LCN15: variants seen among roughly 807,000 people sequenced by gnomAD.
LCN15 encodes the protein lipocalin-15.
In LCN15, 26 loss-of-function variants were observed where a neutral mutation model predicts 23.1. The ratio of observed to expected loss-of-function variants is 1.13; its 90% CI spans 0.82 to 1.56. LCN15 has a LOEUF of 1.56. LCN15 is among the 40% of genes most tolerant of loss of function. The pLI, the probability that LCN15 is intolerant of heterozygous loss-of-function variation, is 0.00. For missense variants in LCN15, 241 were observed against 239.5 expected, an observed-to-expected ratio of 1.01 and a Z score of -0.04; for synonymous variants, 107 against 98.3, an observed-to-expected ratio of 1.09 and a Z score of -0.52.
chr9:136,763,660 C>T (rs899116318), intron 3 of LCN15, 53 bp downstream of exon 3: 3 of 1,590,126 alleles, frequency 1.9e-6, no homozygotes, highest in Non-Finnish European at 2.6e-6. Context: ...CCCCACGTCA[C>T]CCCCAGAGAA....
rs1847290230 is a variant in LCN15, at chr9:136,759,646, ATC to A, written c.*168_*169del. On this transcript the variant is annotated 3_prime_UTR_variant, in exon 7 of 7. Transcript: ENST00000316144. ...GAGGTGAGGGCCATGAGGCTGCAGC[ATC>A]TGTTTATTGAATAGAAAGAGACGTC... is the stretch of plus-strand genomic sequence containing the variant. The A allele has an allele frequency of 6.6e-6, 1 of 152,254 alleles. No homozygotes were observed. Among genetic ancestry groups the A allele is most frequent in the Non-Finnish European group, 1.5e-5 (1 of 68,112 alleles). 9.4% of individuals were successfully genotyped at this position (152,254 alleles called of 1,614,324 possible).
intron 1 of LCN15, 124 bp from the exon 2 acceptor site, chr9:136,764,133 G>T: frequency 8.1e-7 from 1 of 1,241,266 alleles, no homozygotes; most frequent in Non-Finnish European, 1.1e-6. Context: ...TGTCTTGGGT[G>T]TGAGCTGAGC....
intron 4 of LCN15, 23 bp downstream of exon 4, chr9:136,763,334 G>A (rs1209421224): frequency 1.5e-6 from 2 of 1,346,570 alleles, no homozygotes; most frequent in East Asian, 2.4e-5. Context: ...GGGCCAGTGC[G>A]GGGAGGTGGG....
At position 136,764,498 on chromosome 9, in the gene LCN15, T is replaced by C; in HGVS notation, c.-10A>G. The C allele has an allele frequency of 6.2e-7, 1 of 1,607,440 alleles. No individual in the cohort carries two copies. Among genetic ancestry groups the C allele is most frequent in the Non-Finnish European group, 8.5e-7 (1 of 1,176,792 alleles). ...GCAGGAATGACATCATCCCCTCCCC[T>C]GCCCTCCAGCCCCTGGTGCTGAGTC... On this transcript the variant is annotated 5_prime_UTR_variant, in exon 1 of 7. Transcript: ENST00000316144.
Position 136,762,264 on chromosome 9 carries a change from C to G in LCN15, c.444G>C (p.Gln148His). 6.3e-7 allele frequency: 1 copy of G among 1,594,282 alleles called. No individual in the cohort carries two copies. The highest frequency in any genetic ancestry group is 8.5e-7 in the Non-Finnish European group (1 of 1,170,328). Residue 148 changes from glutamine to histidine, a missense_variant, in exon 5 of 7, where the codon CAG (glutamine) becomes CAC (histidine). By Grantham distance (24) the Gln-to-His change is conservative. Coordinates refer to ENST00000316144, the MANE Select transcript of LCN15 (RefSeq NM_203347.2). ...AGAAGTCCTGGAAGGACTTCAGAGC[C>G]TGGGGACTCACATCCTGGGTCCGGC... ...LYSRTQDVSP[Q>H]ALKSFQDFYP... is the part of the protein sequence containing the mutation.
chr9:136,764,260 G>C, intron 1 of LCN15, 133 bp downstream of exon 1: 1 of 911,756 alleles, frequency 1.1e-6, no homozygotes, highest in South Asian at 1.7e-5. Flanking sequence ...ATTAAGCGCA[G>C]AGTGGGTCTA....
chr9:136,762,637 C>T (rs1847332525), intron 4 of LCN15, among the ~76,000 whole-genome samples: 1 of 152,214 alleles, frequency 6.6e-6, no homozygotes, highest in African/African-American at 2.4e-5. Flanking sequence ...CGCGGTGGCT[C>T]ACGCCTGGAA....
At chr9:136,764,059 C>T in intron 1 of LCN15, 50 bp from the exon 2 acceptor site, 1 of 1,596,688 alleles carries the variant, frequency 6.3e-7, no homozygotes, top group Non-Finnish European at 8.5e-7. Flanking sequence ...CAGCAGGGCC[C>T]TCCTTGCCCA....
In LCN15 at chr9:136,761,771, G is replaced by C; in HGVS notation, c.*32+16C>G. ...GAGGCAACCAGGGCATCCCCTGCAG[G>C]GCCTGGAGAACCCACCTGGGAAGGG... On this transcript the variant is annotated intron_variant, in intron 6 of 6. Transcript: ENST00000316144. This position sits in a 1 kb window ranked among gnomAD's most constrained non-coding sequence, Gnocchi z 4.2. 1 of 1,238,516 alleles carries C rather than the reference G, an allele frequency of 8.1e-7. No individual in the cohort carries two copies. Among genetic ancestry groups the C allele is most frequent in the Non-Finnish European group, 1.0e-6 (1 of 982,794 alleles). The allele number at this position is 1,238,516 out of a possible 1,614,324, so 76.7% of individuals were successfully genotyped here.
intron 4 of LCN15, 94 bp downstream of exon 4, chr9:136,763,263 G>T: frequency 1.5e-6 from 1 of 678,616 alleles, no homozygotes; most frequent in South Asian, 2.0e-5. Context: ...GGCGCGGGGC[G>T]GCAGGCGGGC....
intron 4 of LCN15, among the ~76,000 whole-genome samples, 183 bp from the exon 5 acceptor site, chr9:136,762,472 C>T (rs1164665089): frequency 6.6e-6 from 1 of 152,216 alleles, no homozygotes; most frequent in Admixed American, 6.5e-5. Flanking sequence ...CCCCAATTCA[C>T]ACCAAGATGT....
At chr9:136,763,283 G>A in intron 4 of LCN15, 74 bp downstream of exon 4, 2 of 802,308 alleles carry the variant, frequency 2.5e-6, no homozygotes, top group Non-Finnish European at 3.7e-6. Context: ...CGGGGCGGGG[G>A]TAGGCAGAAC....
At position 136,761,742 on chromosome 9, in the gene LCN15, G is replaced by T; in HGVS notation, c.*32+45C>A. 1 of 973,966 alleles carries T rather than the reference G, an allele frequency of 1.0e-6. No homozygotes were observed. Among genetic ancestry groups the T allele is most frequent in the Middle Eastern group, 2.3e-4 (1 of 4,426 alleles). The allele number at this position is 973,966 out of a possible 1,614,324, so 60.3% of individuals were successfully genotyped here. Reference sequence around the variant, plus strand: ...CCAGATGTCAAGCTGCGATAGGGAGGGGAGAGGCAACCAGGGCATCCCCTG... The same window carrying T: ...CCAGATGTCAAGCTGCGATAGGGAGTGGAGAGGCAACCAGGGCATCCCCTG... On this transcript the variant is annotated intron_variant, in intron 6 of 6. Transcript: ENST00000316144. The surrounding 1 kb of genome is among the most constrained non-coding windows in gnomAD (Gnocchi z 4.2).
chr9:136,763,059 C>A (rs1847337476), intron 4 of LCN15, among the ~76,000 whole-genome samples: 1 of 151,778 alleles, frequency 6.6e-6, no homozygotes, highest in Non-Finnish European at 1.5e-5. Context: ...AGCCAACCTC[C>A]TCCACATCCA....
In LCN15 at chr9:136,762,291, TG is replaced by T; in HGVS notation, c.419-3del. Reference sequence around the variant, plus strand: ...GGGGACTCACATCCTGGGTCCGGCCTGGGCAGAGCAGAGGTCACTGTGAACT... The same window carrying T: ...GGGGACTCACATCCTGGGTCCGGCCTGGCAGAGCAGAGGTCACTGTGAACT... On this transcript the variant is annotated splice_polypyrimidine_tract_variant and splice_region_variant and intron_variant, in intron 4 of 6. Transcript: ENST00000316144. 1 of 1,556,070 alleles carries T rather than the reference TG, an allele frequency of 6.4e-7. No homozygotes were observed.
chr9:136,763,481 G>A lies in LCN15; in HGVS notation c.308-14C>T, dbSNP rs1409241218. On this transcript the variant is annotated splice_polypyrimidine_tract_variant and intron_variant, in intron 3 of 6. Transcript: ENST00000316144. ...GGTAGCCCAAGGCTGCGGAGAGGCAGGCGGCCTTTTCAGGCTGGAGAAGTG... is the reference window on the plus strand; with the variant it reads ...GGTAGCCCAAGGCTGCGGAGAGGCAAGCGGCCTTTTCAGGCTGGAGAAGTG... The A allele has an allele frequency of 1.3e-6, 2 of 1,573,146 alleles. No individual in the cohort carries two copies. The highest frequency in any genetic ancestry group is 1.3e-5 in the African/African-American group (1 of 74,134).
intron 6 of LCN15, among the ~76,000 whole-genome samples, chr9:136,760,276 GGT>G (rs1554763897): frequency 6.6e-6 from 1 of 152,228 alleles, no homozygotes; most frequent in Non-Finnish European, 1.5e-5. Flanking sequence ...AGGGCGATTT[GGT>G]GTTGCCCCCC....
chr9:136,762,799 T>A (rs1847334010), intron 4 of LCN15, among the ~76,000 whole-genome samples: 1 of 151,732 alleles, frequency 6.6e-6, no homozygotes, highest in Admixed American at 6.6e-5. Flanking sequence ...GATGGGCGCC[T>A]GTAGTCCCAG....
chr9:136,763,094 C>T (rs1393832790), intron 4 of LCN15, among the ~76,000 whole-genome samples: 1 of 151,712 alleles, frequency 6.6e-6, no homozygotes, highest in African/African-American at 2.4e-5. Context: ...CAGCTCCCAC[C>T]CCACCCGGTC....
Sources: allele counts gnomAD v4.1 joint callset (sites outside exome capture counted in the v4.1 genomes callset), GRCh38; gene constraint gnomAD v4.1.1; non-coding constraint Gnocchi (gnomAD v3.1); transcripts MANE v1.5; gene names NCBI Gene and HGNC (gene_info 2026-07-23, HGNC 2026-07-21).